GLIS3: variants seen among roughly 807,000 people sequenced by gnomAD.
The protein encoded by GLIS3 is GLIS family zinc finger 3.
In GLIS3, 53 loss-of-function variants were observed where a neutral mutation model predicts 78.6. The observed-to-expected ratio is 0.67, with a 90% confidence interval of 0.54 to 0.85. The LOEUF is 0.85. Ranked by LOEUF, GLIS3 falls within the 40% of genes least tolerant of loss-of-function variation. The probability of loss-of-function intolerance (pLI) is 0.00; values close to 1 mark genes in which losing one functional copy is unlikely to be tolerated. For synonymous variants in GLIS3, 684 were observed against 509.9 expected (o/e 1.34, Z -4.60); for missense variants, 1,703 against 1,231.1 (o/e 1.38, Z -5.74).
chr9:3,955,178 G>T (rs983220779), intron 4 of GLIS3, among the ~76,000 whole-genome samples: 1 of 152,082 alleles, frequency 6.6e-6, no homozygotes, highest in Non-Finnish European at 1.5e-5. Flanking sequence ...GGCCTCCCAG[G>T]GTAGTAATCA....
chr9:3,861,917 G>A (rs1296745070), intron 8 of GLIS3, among the ~76,000 whole-genome samples: 1 of 151,840 alleles, frequency 6.6e-6, no homozygotes, highest in Non-Finnish European at 1.5e-5. Context: ...GGCACATCCT[G>A]CAAATGTATC....
chr9:3,857,818 G>A (rs538167192), intron 8 of GLIS3, among the ~76,000 whole-genome samples: 1 of 152,316 alleles, frequency 6.6e-6, no homozygotes, highest in African/African-American at 2.4e-5. Context: ...GCACTGCCCT[G>A]AGAACATCTA....
intron 4 of GLIS3, among the ~76,000 whole-genome samples, chr9:3,972,748 T>C (rs570473990): frequency 6.6e-6 from 1 of 152,328 alleles, no homozygotes; most frequent in Admixed American, 6.5e-5. Context: ...TTTACTTTCC[T>C]GGTATTAGTA....
chr9:3,997,899 A>G (rs939367393), intron 4 of GLIS3, among the ~76,000 whole-genome samples: 4 of 152,166 alleles, frequency 2.6e-5, no homozygotes, highest in Non-Finnish European at 5.9e-5. Flanking sequence ...ATTAGAAAAA[A>G]AAGCCATAAA....
the GLIS3 span, among the ~76,000 whole-genome samples, chr9:4,418,769 A>G: frequency 0.029 from 4,342 of 152,296 alleles, 103 homozygotes; most frequent in Non-Finnish European, 0.045. Context: ...AAAAATCTTC[A>G]TGAAAAACAG....
At chr9:4,195,597 G>A (rs561609739) in intron 2 of GLIS3, among the ~76,000 whole-genome samples, 54 of 152,356 alleles carry the variant, frequency 3.5e-4, no homozygotes, top group African/African-American at 8.7e-4. Flanking sequence ...GCTCCCACGC[G>A]GCCTGAGCCT....
chr9:4,155,490 T>G (rs956716131), intron 2 of GLIS3, among the ~76,000 whole-genome samples: 1 of 152,248 alleles, frequency 6.6e-6, no homozygotes, highest in Non-Finnish European at 1.5e-5. Context: ...ATATTTAGCG[T>G]ATTTGTTTTC....
chr9:3,966,665 A>T (rs1034524662), intron 4 of GLIS3, among the ~76,000 whole-genome samples: 11 of 151,790 alleles, frequency 7.2e-5, no homozygotes, highest in African/African-American at 2.7e-4. Context: ...ATGGTGGCGC[A>T]CGCCTGCAAT....
At chr9:4,338,118 G>C (rs1268936420) in intron 2 of GLIS3, among the ~76,000 whole-genome samples, 2 of 151,690 alleles carry the variant, frequency 1.3e-5, no homozygotes, top group Admixed American at 1.3e-4. Flanking sequence ...CTTTTCACAG[G>C]AGTCAGGACA....
At chr9:4,034,663 G>A (rs1187793735) in intron 4 of GLIS3, 1 of 152,196 alleles carries the variant, frequency 6.6e-6, no homozygotes, top group Non-Finnish European at 1.5e-5. Flanking sequence ...ATTGTTTGGG[G>A]AGCCACATGA....
At chr9:4,133,869 CA>C (rs767319037) in intron 2 of GLIS3, among the ~76,000 whole-genome samples, 2,683 of 121,722 alleles carry the variant, frequency 0.022, 46 homozygotes, top group African/African-American at 0.025. Context: ...CACACACACA[CA>C]CACACCGTAC....
At chr9:4,439,003 T>A in the GLIS3 span, among the ~76,000 whole-genome samples, 1 of 152,202 alleles carries the variant, frequency 6.6e-6, no homozygotes, top group African/African-American at 2.4e-5. Flanking sequence ...CTTTTAAGAA[T>A]CACAGACATG....
rs758113264 is a variant in GLIS3, at chr9:3,907,655, C to CACA, written c.1984-8821_1984-8820insTGT. 4.7e-3 allele frequency among the ~76,000 whole-genome samples: 682 copies of CACA among 146,252 alleles called. 6 individuals are homozygous for CACA. Among genetic ancestry groups the CACA allele is most frequent in the African/African-American group, 0.016 (620 of 38,082 alleles). On this transcript the variant is annotated intron_variant, in intron 6 of 10. Transcript: ENST00000381971. ...ACACACACACACACACACACACACACTACTAAACAGTGCTCCTTTGCCTCA... is the reference window on the plus strand; with the variant it reads ...ACACACACACACACACACACACACACACATACTAAACAGTGCTCCTTTGCCTCA...
chr9:4,118,551 G>C lies in GLIS3; in HGVS notation c.927C>G (p.Ser309=). Residue 309 remains serine (S), a synonymous_variant, in exon 4 of 11, where the codon TCC becomes TCG. Coordinates refer to ENST00000381971, the MANE Select transcript of GLIS3 (RefSeq NM_001042413.2). This position sits in a 1 kb window ranked among gnomAD's most constrained non-coding sequence, Gnocchi z 4.7. ...TATTGAAATCTATCCCGATGCCATCGGACAGCGGGGACAAGGACAGCGCTC... is the reference window on the plus strand; with the variant it reads ...TATTGAAATCTATCCCGATGCCATCCGACAGCGGGGACAAGGACAGCGCTC... ...KKRALSLSPL[S]DGIGIDFNTI... The C allele has an allele frequency of 6.2e-7, 1 of 1,614,218 alleles. No homozygotes were observed. The highest frequency in any genetic ancestry group is 8.5e-7 in the Non-Finnish European group (1 of 1,180,028).
chr9:4,138,019 G>T (rs1381964490), intron 2 of GLIS3, among the ~76,000 whole-genome samples: 1 of 152,172 alleles, frequency 6.6e-6, no homozygotes, highest in African/African-American at 2.4e-5. Flanking sequence ...CACAGATCAG[G>T]TATTTGTTTA....
At chr9:3,937,332 C>T in intron 4 of GLIS3, 143 bp from the exon 5 acceptor site, 2 of 808,508 alleles carry the variant, frequency 2.5e-6, no homozygotes, top group African/African-American at 1.7e-5. Flanking sequence ...ATAAATATTG[C>T]TCCTAAAAAT....
In GLIS3 at chr9:4,020,633, C is replaced by T. The variant is rs112792608; in HGVS notation, c.1711-83444G>A. 1.3e-3 allele frequency among the ~76,000 whole-genome samples: 192 copies of T among 152,302 alleles called. 1 individual carries two copies. Among genetic ancestry groups the T allele is most frequent in the African/African-American group, 4.4e-3 (181 of 41,566 alleles). On this transcript the variant is annotated intron_variant, in intron 4 of 10. Coordinates refer to ENST00000381971, the MANE Select transcript of GLIS3 (RefSeq NM_001042413.2). ...TGTCATCAGGCTTTTCACCTTTGTT[C>T]TAATCTTGAGATGTAACAGATTTTG...
chr9:4,075,409 T>TAAAAAAAAAAAAAAAAAAAA (rs1827960818), intron 4 of GLIS3, among the ~76,000 whole-genome samples: 1 of 52,666 alleles, frequency 1.9e-5, no homozygotes, highest in Non-Finnish European at 3.6e-5. Context: ...CTACTAAAAA[T>TAAAAAAAAAAAAAAAAAAAA]ACAAAAAAAA....
the GLIS3 span, among the ~76,000 whole-genome samples, chr9:4,450,312 G>C: frequency 3.9e-5 from 6 of 152,156 alleles, no homozygotes; most frequent in Non-Finnish European, 8.8e-5. Context: ...AGAGTAAAAA[G>C]AAATGAACAA....
Sources: allele counts gnomAD v4.1 joint callset (sites outside exome capture counted in the v4.1 genomes callset), GRCh38; gene constraint gnomAD v4.1.1; non-coding constraint Gnocchi (gnomAD v3.1); transcripts MANE v1.5; gene names NCBI Gene and HGNC (gene_info 2026-07-23, HGNC 2026-07-21).